Variants in NFASC observed in about 807,000 individuals in gnomAD.
NFASC encodes the protein neurofascin.
A neutral mutation model predicts 147.5 loss-of-function variants in NFASC; 43 were observed. That is an observed-to-expected ratio of 0.29 (90% confidence interval 0.23 to 0.38). The LOEUF (loss-of-function observed/expected upper bound fraction) is 0.38. Among genes scored for constraint, NFASC ranks in the 10% least tolerant of loss-of-function variants. The pLI, the probability that NFASC is intolerant of heterozygous loss-of-function variation, is 1.00. For missense variants in NFASC, 1,320 were observed against 1,689.0 expected (o/e 0.78, Z 3.83); for synonymous variants, 622 against 665.5 (o/e 0.93, Z 1.01).
chr1:204,937,319 G>A (rs2092949937), intron 2 of NFASC, among the ~76,000 whole-genome samples: 1 of 152,116 alleles, frequency 6.6e-6, no homozygotes, highest in Non-Finnish European at 1.5e-5. Flanking sequence ...ATGACCCACA[G>A]TCCACAGTTG....
chr1:204,851,588 C>T (rs1460890283), intron 1 of NFASC, among the ~76,000 whole-genome samples: 3 of 152,112 alleles, frequency 2.0e-5, no homozygotes, highest in African/African-American at 7.2e-5. Flanking sequence ...CCACCTCAGC[C>T]TCCCAAAGCG....
chr1:204,842,152 G>A (rs762145152), intron 1 of NFASC, among the ~76,000 whole-genome samples: 1 of 152,118 alleles, frequency 6.6e-6, no homozygotes, highest in Non-Finnish European at 1.5e-5. Flanking sequence ...GACTACCTAG[G>A]AACTGCAGAT....
chr1:204,987,437 T>C lies in NFASC; in HGVS notation c.2490T>C (p.Arg830=). The change falls in exon 22 of 30, where the codon CGT becomes CGC. Residue 830 remains arginine (R), a synonymous_variant. Transcript: ENST00000339876. The surrounding 1 kb of genome is among the most constrained non-coding windows in gnomAD (Gnocchi z 4.4). Reference sequence around the variant, plus strand: ...CCCAAGTACCCAGTGCCCCTAGGCGTTTCCGAGTCCGGCAGCCCAACCTGG... The same window carrying C: ...CCCAAGTACCCAGTGCCCCTAGGCGCTTCCGAGTCCGGCAGCCCAACCTGG... ...SGEDLPSAPR[R]FRVRQPNLET... 6.2e-7 allele frequency: 1 copy of C among 1,613,950 alleles called. No individual in the cohort carries two copies. Among genetic ancestry groups the C allele is most frequent in the Non-Finnish European group, 8.5e-7 (1 of 1,179,964 alleles).
intron 1 of NFASC, among the ~76,000 whole-genome samples, chr1:204,893,450 A>G (rs1161814731): frequency 6.6e-6 from 1 of 152,202 alleles, no homozygotes; most frequent in Non-Finnish European, 1.5e-5. Context: ...CATCTCTGAG[A>G]GTGGCACCTG....
intron 25 of NFASC, chr1:204,999,105 C>A (rs2095915369): frequency 1.3e-5 from 2 of 152,076 alleles, no homozygotes; most frequent in Admixed American, 1.3e-4. Flanking sequence ...TTTTATTTGT[C>A]CTTCGCCTGT....
chr1:204,956,988 C>T (rs1467989583), intron 7 of NFASC, among the ~76,000 whole-genome samples: 2 of 151,802 alleles, frequency 1.3e-5, no homozygotes, highest in East Asian at 3.9e-4. Flanking sequence ...CATATTTTAA[C>T]ATCTCTAAAA....
intron 2 of NFASC, among the ~76,000 whole-genome samples, chr1:204,925,286 C>T (rs2091288739): frequency 6.6e-6 from 1 of 152,076 alleles, no homozygotes. Flanking sequence ...TGCATTTATC[C>T]CACTTTTAAA....
At chr1:204,877,001 T>TATATATATATATATATATATATATATA (rs2078943539) in intron 1 of NFASC, among the ~76,000 whole-genome samples, 3 of 76,272 alleles carry the variant, frequency 3.9e-5, no homozygotes, top group South Asian at 3.3e-4. Flanking sequence ...AATATGTATA[T>TATATATATATATATATATATATATATA]ATATATATAT....
chr1:204,836,931 A>G (rs1343389051), intron 1 of NFASC, among the ~76,000 whole-genome samples: 1 of 152,270 alleles, frequency 6.6e-6, no homozygotes, highest in African/African-American at 2.4e-5. Context: ...AGACCCTGCT[A>G]TGTGCATTGC....
At chr1:204,836,073 A>G (rs1254565694) in intron 1 of NFASC, among the ~76,000 whole-genome samples, 3 of 152,188 alleles carry the variant, frequency 2.0e-5, no homozygotes, top group African/African-American at 7.2e-5. Context: ...CTCCAATTTC[A>G]GGGTCAGAGA....
At chr1:204,971,472 G>A (rs2095254566) in intron 11 of NFASC, among the ~76,000 whole-genome samples, 1 of 152,126 alleles carries the variant, frequency 6.6e-6, no homozygotes, top group Non-Finnish European at 1.5e-5. Context: ...ACCAAATGGG[G>A]AAAAAGTAGA....
chr1:204,989,179 A>G (rs892749578), intron 23 of NFASC: 1 of 270,906 alleles, frequency 3.7e-6, no homozygotes, highest in Non-Finnish European at 7.2e-6. Context: ...AGGCAGGAAT[A>G]TGATTGTGAG....
intron 1 of NFASC, among the ~76,000 whole-genome samples, chr1:204,858,999 A>G (rs1360306449): frequency 7.3e-6 from 1 of 136,186 alleles, no homozygotes; most frequent in African/African-American, 3.3e-5. Context: ...TTTTTTTGAG[A>G]CAGAGTCTTG....
chr1:204,957,777 C>A lies in NFASC; in HGVS notation c.657C>A (p.Phe219Leu). Reference sequence around the variant, plus strand: ...ACAGTTGTAACGCCCGCTTCCACTTCACCCACACCATCCAGCAGAAGAACC... The same window carrying A: ...ACAGTTGTAACGCCCGCTTCCACTTAACCCACACCATCCAGCAGAAGAACC... ...TDYSCNARFHFTHTIQQKNPF... is the reference protein window; with the variant it reads ...TDYSCNARFHLTHTIQQKNPF... The change falls in exon 8 of 30, where the codon TTC becomes TTA. Residue 219 changes from phenylalanine (F) to leucine (L), a missense_variant. Transcript: ENST00000339876. The A allele has an allele frequency of 6.2e-7, 1 of 1,614,210 alleles. No homozygotes were observed. The highest frequency in any genetic ancestry group is 8.5e-7 in the Non-Finnish European group (1 of 1,180,032).
At chr1:204,977,137 C>T in intron 16 of NFASC, 2 of 1,143,630 alleles carry the variant, frequency 1.7e-6, no homozygotes, top group Non-Finnish European at 1.1e-6. Flanking sequence ...ACAATCCATC[C>T]TTAAAGCAAG....
chr1:204,918,336 A>C (rs1367391491), intron 1 of NFASC, among the ~76,000 whole-genome samples: 6 of 152,038 alleles, frequency 3.9e-5, no homozygotes, highest in Non-Finnish European at 8.8e-5. Context: ...CAAATTCATA[A>C]ACTTTCTCAA....
Position 204,985,845 on chromosome 1 carries a change from C to G in NFASC, c.2471-1573C>G, listed in dbSNP as rs1009354042. 5 of 1,036,106 alleles carry G rather than the reference C, an allele frequency of 4.8e-6. No individual in the cohort carries two copies. In the Admixed American group the frequency reaches 5.8e-5, roughly 12 times the overall value. 64.2% of individuals were successfully genotyped at this position (1,036,106 alleles called of 1,614,324 possible). A position where few individuals can be genotyped will look rare whatever the true frequency, so the allele number is the denominator to read the frequency against. On this transcript the variant is annotated intron_variant, in intron 21 of 29. Coordinates refer to ENST00000339876, the MANE Select transcript of NFASC (RefSeq NM_001005388.3). ...GCAAAGGAAAGACCGGTCACTACCA[C>G]CACCACTAACAACTAACCCAGCCCT...
At chr1:204,855,683 C>T (rs2076093342) in intron 1 of NFASC, among the ~76,000 whole-genome samples, 1 of 152,122 alleles carries the variant, frequency 6.6e-6, no homozygotes, top group Non-Finnish European at 1.5e-5. Context: ...AGAACAGGGA[C>T]ACAATTCTAA....
At chr1:204,997,731 T>C (rs915932671) in intron 25 of NFASC, 18 of 451,880 alleles carry the variant, frequency 4.0e-5, no homozygotes, top group African/African-American at 3.2e-4. Context: ...TTCCAGATGT[T>C]AGGACCGCCT....
Sources: gnomAD v4.1 joint callset for allele counts (sites outside exome capture counted in the v4.1 genomes callset) on GRCh38, gnomAD v4.1.1 for gene constraint, Gnocchi (gnomAD v3.1) non-coding constraint, MANE v1.5 for transcripts, NCBI Gene and HGNC (gene_info 2026-07-23, HGNC 2026-07-21) for gene names.